Variants in NRIP2 observed in about 807,000 individuals in gnomAD.
NRIP2 encodes nuclear receptor interacting protein 2, also known as nuclear receptor-interacting protein 2.
A neutral mutation model predicts 34.1 loss-of-function variants in NRIP2; 27 were observed. That is an observed-to-expected ratio of 0.79 (90% CI 0.58 to 1.09). The LOEUF is 1.09. NRIP2 is among the 50% of genes least tolerant of loss of function. The pLI, the probability that NRIP2 is intolerant of heterozygous loss-of-function variation, is 0.00. For missense variants in NRIP2, 385 were observed against 352.6 expected, an observed-to-expected ratio of 1.09 and a Z score of -0.74; for synonymous variants, 145 against 146.9, an observed-to-expected ratio of 0.99 and a Z score of 0.09.
In NRIP2 at chr12:2,825,575, C is replaced by T. The variant is rs2097962621; in HGVS notation, c.*1632G>A. The T allele has an allele frequency of 6.6e-6, 1 of 152,624 alleles. No homozygotes were observed. The highest frequency in any genetic ancestry group is 1.5e-5 in the Non-Finnish European group (1 of 68,294). The allele number at this position is 152,624 out of a possible 1,614,324, so 9.5% of individuals were successfully genotyped here. A position where few individuals can be genotyped will look rare whatever the true frequency, so the allele number is the denominator to read the frequency against. On this transcript the variant is annotated 3_prime_UTR_variant, in exon 6 of 6. Coordinates refer to ENST00000337508, the MANE Select transcript of NRIP2 (RefSeq NM_031474.3). ...GATAAGTGAGCCCTCTCCTTTCCTT[C>T]TGAGGGCAGGGGAGGCAGCTGAGAA...
Position 2,827,798 on chromosome 12 carries a change from A to G in NRIP2, c.701-121T>C. On this transcript the variant is annotated intron_variant, in intron 4 of 5. Transcript: ENST00000337508. This position sits in a 1 kb window ranked among gnomAD's most constrained non-coding sequence, Gnocchi z 4.0. ...CCCAGATCCGAGGACACTGGCACAGAGATGGGGGATAGTCAGAACATCTCT... is the reference window on the plus strand; with the variant it reads ...CCCAGATCCGAGGACACTGGCACAGGGATGGGGGATAGTCAGAACATCTCT... The G allele has an allele frequency of 6.2e-7, 1 of 1,603,828 alleles. No homozygotes were observed. The highest frequency in any genetic ancestry group is 8.5e-7 in the Non-Finnish European group (1 of 1,175,442).
chr12:2,833,213 T>C (rs2098012164), intron 1 of NRIP2, among the ~76,000 whole-genome samples: 1 of 152,054 alleles, frequency 6.6e-6, no homozygotes, highest in Non-Finnish European at 1.5e-5. Flanking sequence ...GGGATGGCAA[T>C]GTCAGTAGAG....
rs1162627647 is a variant in NRIP2 at position 2,825,754 on chromosome 12, T to C, written c.*1453A>G. 1 of 152,286 alleles carries C rather than the reference T, an allele frequency of 6.6e-6. No individual in the cohort carries two copies. The highest frequency in any genetic ancestry group is 2.4e-5 in the African/African-American group (1 of 41,424). The allele number at this position is 152,286 out of a possible 1,614,324, so 9.4% of individuals were successfully genotyped here. On this transcript the variant is annotated 3_prime_UTR_variant, in exon 6 of 6. Coordinates refer to ENST00000337508, the MANE Select transcript of NRIP2 (RefSeq NM_031474.3). Reference sequence around the variant, plus strand: ...TTCAGGTTAGCTGTACCACTGTCTTTCTCTGCTCCTTTTTTGTTTGTTTTT... The same window carrying C: ...TTCAGGTTAGCTGTACCACTGTCTTCCTCTGCTCCTTTTTTGTTTGTTTTT...
chr12:2,829,016 A>G (rs1350713738), intron 2 of NRIP2, among the ~76,000 whole-genome samples: 2 of 152,070 alleles, frequency 1.3e-5, no homozygotes, highest in African/African-American at 4.8e-5. Context: ...CCTAGGCAAC[A>G]TAGCAAGACT....
In NRIP2 at chr12:2,834,930, C is replaced by G. The variant is rs1037109742; in HGVS notation, c.54G>C (p.Glu18Asp). 5.0e-6 allele frequency: 8 copies of G among 1,611,018 alleles called. No individual in the cohort carries two copies. Among genetic ancestry groups the G allele is most frequent in the Non-Finnish European group, 6.8e-6 (8 of 1,178,678 alleles). ...CCTGTCTCTGTCCCGTGCTGCAGCT[C>G]TCTTTCCAACAGGAGGGTCTCCACG... ...SLPWRPSCWK[E>D]SCSTGQRQAG... Residue 18 changes from glutamate to aspartate, a missense_variant, in exon 1 of 6, where the codon GAG (glutamate) becomes GAC (aspartate). Transcript: ENST00000337508.
chr12:2,829,019 G>A (rs900255764), intron 2 of NRIP2, among the ~76,000 whole-genome samples: 3 of 151,856 alleles, frequency 2.0e-5, no homozygotes, highest in East Asian at 1.9e-4. Flanking sequence ...AGGCAACATA[G>A]CAAGACTCTG....
rs751996393 is a variant in NRIP2 at position 2,830,744 on chromosome 12, G to A, written c.459C>T (p.Ser153=). 2.3e-5 allele frequency: 37 copies of A among 1,613,704 alleles called. No individual in the cohort carries two copies. The highest frequency in any genetic ancestry group is 3.1e-5 in the Non-Finnish European group (36 of 1,179,828). Residue 153 remains serine, a synonymous_variant, in exon 2 of 6, where the codon AGC becomes AGT. Transcript: ENST00000337508. ...CCAGAAGAGCTGGAATCTCTGTCCT[G>A]CTGGTCTTCCTCCTGCTCTCCTGGC... ...IHGQESRRKT[S]RTEIPALLVN...
In NRIP2 at chr12:2,827,520, C is replaced by A; in HGVS notation, c.753+105G>T. On this transcript the variant is annotated intron_variant, in intron 5 of 5. Coordinates refer to ENST00000337508, the MANE Select transcript of NRIP2 (RefSeq NM_031474.3). This position sits in a 1 kb window ranked among gnomAD's most constrained non-coding sequence, Gnocchi z 4.0. ...CTCTAAGGAAGCAAAGGGACAGTTG[C>A]CCATCTCTAAGTCACTCTCATCAGA... 1 of 1,578,756 alleles carries A rather than the reference C, an allele frequency of 6.3e-7. No individual in the cohort carries two copies.
At position 2,834,838 on chromosome 12, in the gene NRIP2, C is replaced by G; in HGVS notation, c.146G>C (p.Gly49Ala). Residue 49 changes from glycine to alanine, a missense_variant, in exon 1 of 6, where the codon GGG becomes GCG. Physicochemically the swap from Gly to Ala is moderately conservative, Grantham distance 60. Coordinates refer to ENST00000337508, the MANE Select transcript of NRIP2 (RefSeq NM_031474.3). ...GGCCTCCTGCTTGGTGCTCATGGCC[C>G]CTGCTGGAGGAGTGGGCCAGGGGCT... ...PSSPWPTPPA[G>A]AMSTKQEARR... is the part of the protein sequence containing the mutation. 6.2e-7 allele frequency: 1 copy of G among 1,613,696 alleles called. No individual in the cohort carries two copies. Among genetic ancestry groups the G allele is most frequent in the Non-Finnish European group, 8.5e-7 (1 of 1,179,950 alleles).
intron 1 of NRIP2, 117 bp downstream of exon 1, chr12:2,834,525 A>G (rs1351870596): frequency 1.5e-5 from 21 of 1,397,438 alleles, no homozygotes; most frequent in Non-Finnish European, 1.9e-5. Flanking sequence ...CATCTCAGCA[A>G]GGGAGCGGGA....
chr12:2,830,033 TGCCACTGCACTCCA>T, intron 2 of NRIP2, among the ~76,000 whole-genome samples: 1 of 151,622 alleles, frequency 6.6e-6, no homozygotes, highest in South Asian at 2.1e-4. Context: ...CACAAGATCA[TGCCACTGCACTCCA>T]GCCTGGGTGA....
Position 2,827,246 on chromosome 12 carries a change from C to G in NRIP2, c.807G>C (p.Glu269Asp). The change falls in exon 6 of 6, where the codon GAG becomes GAC. Residue 269 changes from glutamate to aspartate, a missense_variant. Physicochemically the swap from Glu to Asp is conservative, Grantham distance 45 (BLOSUM62 2). Coordinates refer to ENST00000337508, the MANE Select transcript of NRIP2 (RefSeq NM_031474.3). This position sits in a 1 kb window ranked among gnomAD's most constrained non-coding sequence, Gnocchi z 4.0. ...CTTGGTACAAAGGCAGGAAGGGTAG[C>G]TCTGAGAACGGGGCTTTCAGCCGCA... Reference protein sequence around the residue: ...GVLRLKAPFSELPFLPLYQEP... With the variant: ...GVLRLKAPFSDLPFLPLYQEP... 1 of 1,614,162 alleles carries G rather than the reference C, an allele frequency of 6.2e-7. No individual in the cohort carries two copies.
chr12:2,829,399 A>G (rs1242861905), intron 2 of NRIP2, among the ~76,000 whole-genome samples: 1 of 152,260 alleles, frequency 6.6e-6, no homozygotes, highest in Non-Finnish European at 1.5e-5. Flanking sequence ...AGGTATATCA[A>G]TGAATGCTAT....
rs141805014 is a variant in NRIP2, at chr12:2,834,761, C to T, written c.223G>A (p.Asp75Asn). 209 of 1,613,850 alleles carry T rather than the reference C, an allele frequency of 1.3e-4. No homozygotes were observed. Among genetic ancestry groups the T allele is most frequent in the Non-Finnish European group, 1.7e-4 (199 of 1,180,020 alleles). Residue 75 changes from aspartate to asparagine, a missense_variant, in exon 1 of 6, where the codon GAC becomes AAC. Coordinates refer to ENST00000337508, the MANE Select transcript of NRIP2 (RefSeq NM_031474.3). ...CGCTGCTGGCTCAGGTGGGCTCGGT[C>T]TCGAAGCTGTGCCTCCTGCCCCCTC... Reference protein sequence around the residue: ...RTRGQEAQLRDRAHLSQQRRL... With the variant: ...RTRGQEAQLRNRAHLSQQRRL...
At chr12:2,828,073 G>T in intron 3 of NRIP2, 26 bp from the exon 4 acceptor site, 1 of 1,591,262 alleles carries the variant, frequency 6.3e-7, no homozygotes, top group Non-Finnish European at 8.6e-7. Context: ...AAGGGTTATG[G>T]CTACCACAGC....
chr12:2,826,051 A>G lies in NRIP2; in HGVS notation c.*1156T>C, dbSNP rs2097964999. The G allele has an allele frequency of 6.6e-6, 1 of 152,294 alleles. No homozygotes were observed. Among genetic ancestry groups the G allele is most frequent in the South Asian group, 2.1e-4 (1 of 4,830 alleles). 9.4% of individuals were successfully genotyped at this position (152,294 alleles called of 1,614,324 possible). ...AGTGCTGGGATTACAGGCATGAGCC[A>G]TTGCGCCTGGCCTCTTTCTTTACTC... On this transcript the variant is annotated 3_prime_UTR_variant, in exon 6 of 6. Transcript: ENST00000337508.
intron 1 of NRIP2, among the ~76,000 whole-genome samples, chr12:2,833,410 C>T (rs982583098): frequency 6.6e-6 from 1 of 152,086 alleles, no homozygotes; most frequent in African/African-American, 2.4e-5. Flanking sequence ...TCGTTGGGAG[C>T]TAGGGAATTG....
Position 2,827,086 on chromosome 12 carries a change from G to A in NRIP2, c.*121C>T. On this transcript the variant is annotated 3_prime_UTR_variant, in exon 6 of 6. Transcript: ENST00000337508. The surrounding 1 kb of genome is among the most constrained non-coding windows in gnomAD (Gnocchi z 4.0). Reference sequence around the variant, plus strand: ...GGAAAATGGGACAGCAGGGGTCAGGGAGGTGATTGGAAGGGCAGACACCAT... The same window carrying A: ...GGAAAATGGGACAGCAGGGGTCAGGAAGGTGATTGGAAGGGCAGACACCAT... The A allele has an allele frequency of 2.0e-6, 3 of 1,532,388 alleles. No individual in the cohort carries two copies. In the South Asian group the frequency reaches 3.7e-5, roughly 19 times the overall value. The allele number at this position is 1,532,388 out of a possible 1,614,324, so 94.9% of individuals were successfully genotyped here.
chr12:2,828,339 G>A lies in NRIP2; in HGVS notation c.571C>T (p.Arg191Cys), dbSNP rs766339002. The change falls in exon 3 of 6, where the codon CGC becomes TGC. Residue 191 changes from arginine to cysteine, a missense_variant. By Grantham distance (180) the Arg-to-Cys change is radical. Transcript: ENST00000337508. ...YNRISAGCLS[R>C]LGLEKRVLKA... The stretch of plus-strand genomic sequence containing the variant: ...TTTGGGCCACATTCTTACCCCAGGC[G>A]GCTGAGACATCCAGCAGAGATCCGA... 5.0e-6 allele frequency: 8 copies of A among 1,613,856 alleles called. No individual in the cohort carries two copies. Among genetic ancestry groups the A allele is most frequent in the African/African-American group, 1.3e-5 (1 of 74,886 alleles).
Sources: allele counts gnomAD v4.1 joint callset (sites outside exome capture counted in the v4.1 genomes callset), GRCh38; gene constraint gnomAD v4.1.1; non-coding constraint Gnocchi (gnomAD v3.1); transcripts MANE v1.5; gene names NCBI Gene and HGNC (gene_info 2026-07-23, HGNC 2026-07-21).